ZNF140: variants seen among roughly 807,000 people sequenced by gnomAD.
ZNF140 encodes zinc finger protein 140 (clone pHZ-39).
In ZNF140, 13 loss-of-function variants were observed where a neutral mutation model predicts 12.9. The ratio of observed to expected loss-of-function variants is 1.01; its 90% confidence interval spans 0.66 to 1.60. ZNF140 has a LOEUF of 1.60. Among genes scored for constraint, ZNF140 ranks in the 40% most tolerant of loss-of-function variants. The probability of loss-of-function intolerance (pLI) is 0.00; values close to 1 mark genes in which losing one functional copy is unlikely to be tolerated. For synonymous variants in ZNF140, 214 were observed against 186.7 expected (o/e 1.15, Z -1.19); for missense variants, 531 against 548.8 (o/e 0.97, Z 0.32).
In ZNF140 at chr12:133,106,293, G is replaced by T; in HGVS notation, c.1016G>T (p.Arg339Leu). The T allele has an allele frequency of 1.9e-6, 3 of 1,614,172 alleles. No homozygotes were observed. Among genetic ancestry groups the T allele is most frequent in the Middle Eastern group, 1.6e-4 (1 of 6,062 alleles). The change falls in exon 5 of 5, where the codon CGT becomes CTT. Residue 339 changes from arginine to leucine, a missense_variant. Physicochemically the swap from Arg to Leu is moderately radical, Grantham distance 102. Transcript: ENST00000355557. ...YECNECRKAF[R>L]CHSFLIKHQR... ...TGTAATGAATGTAGGAAAGCTTTCCGTTGTCACTCATTCCTTATTAAACAT... is the reference window on the plus strand; with the variant it reads ...TGTAATGAATGTAGGAAAGCTTTCCTTTGTCACTCATTCCTTATTAAACAT...
intron 4 of ZNF140, among the ~76,000 whole-genome samples, chr12:133,087,170 G>A (rs1464608550): frequency 6.6e-6 from 1 of 152,060 alleles, no homozygotes; most frequent in Admixed American, 6.5e-5. Flanking sequence ...GCTAAGGGAG[G>A]TAGACAGATT....
chr12:133,101,266 CCTT>C (rs1220877192), intron 4 of ZNF140, among the ~76,000 whole-genome samples: 1 of 152,034 alleles, frequency 6.6e-6, no homozygotes, highest in Non-Finnish European at 1.5e-5. Flanking sequence ...TTCTGTTCTT[CCTT>C]CTTTTTTAGT....
At chr12:133,104,198 G>T (rs1349654104) in intron 4 of ZNF140, among the ~76,000 whole-genome samples, 2 of 152,156 alleles carry the variant, frequency 1.3e-5, no homozygotes, top group African/African-American at 4.8e-5. Context: ...ATAGTACAAA[G>T]AATGTTCACA....
At chr12:133,102,507 C>T (rs1242206091) in intron 4 of ZNF140, among the ~76,000 whole-genome samples, 2 of 152,014 alleles carry the variant, frequency 1.3e-5, no homozygotes, top group Non-Finnish European at 2.9e-5. Flanking sequence ...GGGCAGATTG[C>T]CTGAGCTCAG....
chr12:133,098,469 A>AC (rs1411273826), intron 4 of ZNF140, among the ~76,000 whole-genome samples: 1 of 151,710 alleles, frequency 6.6e-6, no homozygotes, highest in East Asian at 2.0e-4. Context: ...CAAACTCCTG[A>AC]CCTTAAGTAA....
chr12:133,083,067 C>T (rs1376816488), intron 2 of ZNF140, 36 bp from the exon 3 acceptor site: 9 of 1,613,534 alleles, frequency 5.6e-6, no homozygotes, highest in Admixed American at 3.3e-5. Flanking sequence ...TGGGGGCATG[C>T]GTGCTGGTCA....
intron 2 of ZNF140, 132 bp from the exon 3 acceptor site, chr12:133,082,971 G>T: frequency 7.3e-7 from 1 of 1,372,014 alleles, no homozygotes; most frequent in Non-Finnish European, 9.9e-7. Flanking sequence ...TAATTACTCA[G>T]AATTCTGAAA....
chr12:133,082,988 ACT>A, intron 2 of ZNF140, 113 bp from the exon 3 acceptor site: 1 of 1,485,006 alleles, frequency 6.7e-7, no homozygotes, highest in Non-Finnish European at 9.1e-7. Flanking sequence ...GAAAACTCTC[ACT>A]GTTACTACTT....
intron 4 of ZNF140, among the ~76,000 whole-genome samples, chr12:133,087,546 A>G (rs1426049371): frequency 6.7e-6 from 1 of 148,742 alleles, no homozygotes; most frequent in Admixed American, 6.7e-5. Context: ...GCGGGAGTGG[A>G]GGAGAAACAA....
rs1041224407 is a variant in ZNF140 at position 133,090,994 on chromosome 12, A to G, written c.232+7433A>G. 8.4e-3 allele frequency among the ~76,000 whole-genome samples: 1,253 copies of G among 148,736 alleles called. 16 individuals are homozygous for G. Among genetic ancestry groups the G allele is most frequent in the Non-Finnish European group, 0.012 (817 of 66,946 alleles). On this transcript the variant is annotated intron_variant, in intron 4 of 4. Coordinates refer to ENST00000355557, the MANE Select transcript of ZNF140 (RefSeq NM_003440.4). The stretch of plus-strand genomic sequence containing the variant: ...TATCTCAGAATTGAACAAATGTACA[A>G]TCGGGTTTTATACCGAGACATTCAG...
chr12:133,093,528 G>T, intron 4 of ZNF140: 1 of 694,954 alleles, frequency 1.4e-6, no homozygotes, highest in South Asian at 1.5e-5. Context: ...ACTGGAAGCT[G>T]ATTTATTTTC....
At chr12:133,096,147 AG>A (rs1955113672) in intron 4 of ZNF140, among the ~76,000 whole-genome samples, 1 of 150,538 alleles carries the variant, frequency 6.6e-6, no homozygotes, top group Non-Finnish European at 1.5e-5. Flanking sequence ...CCCGCTTCCA[AG>A]GGCAGAGGTC....
At chr12:133,095,276 G>T (rs1343190716) in intron 4 of ZNF140, among the ~76,000 whole-genome samples, 2 of 151,026 alleles carry the variant, frequency 1.3e-5, no homozygotes, top group South Asian at 2.1e-4. Context: ...CTTCTTAAGA[G>T]AATTTTAATG....
At chr12:133,090,221 C>T (rs116725608) in intron 4 of ZNF140, among the ~76,000 whole-genome samples, 3,213 of 152,220 alleles carry the variant, frequency 0.021, 113 homozygotes, top group African/African-American at 0.072. Context: ...CTCACTGCAA[C>T]GTAAATTTCC....
At chr12:133,103,160 G>A (rs1166110747) in intron 4 of ZNF140, among the ~76,000 whole-genome samples, 1 of 151,060 alleles carries the variant, frequency 6.6e-6, no homozygotes, top group African/African-American at 2.5e-5. Flanking sequence ...TTTCAAATGT[G>A]TATCATTTCT....
At chr12:133,090,804 A>T (rs373762516) in intron 4 of ZNF140, among the ~76,000 whole-genome samples, 2,798 of 133,296 alleles carry the variant, frequency 0.021, 67 homozygotes, top group Non-Finnish European at 0.022. Context: ...ATGTGAGCAA[A>T]AGAATCTATA....
chr12:133,088,609 G>C (rs1954760043), intron 4 of ZNF140, among the ~76,000 whole-genome samples: 1 of 152,132 alleles, frequency 6.6e-6, no homozygotes, highest in Non-Finnish European at 1.5e-5. Flanking sequence ...TTTCATTTGG[G>C]TAAATACCAA....
chr12:133,100,784 C>T (rs1008046990), intron 4 of ZNF140, among the ~76,000 whole-genome samples: 27 of 152,256 alleles, frequency 1.8e-4, no homozygotes, highest in Admixed American at 6.5e-4. Context: ...ACAAGCACTA[C>T]GATACTGCAT....
At position 133,105,585 on chromosome 12, in the gene ZNF140, T is replaced by C; in HGVS notation, c.308T>C (p.Ile103Thr). 6.2e-7 allele frequency: 1 copy of C among 1,614,116 alleles called. No individual in the cohort carries two copies. Among genetic ancestry groups the C allele is most frequent in the Non-Finnish European group, 8.5e-7 (1 of 1,180,022 alleles). Residue 103 changes from isoleucine (I) to threonine (T), a missense_variant, in exon 5 of 5, where the codon ATC becomes ACC. Ile to Thr is a moderately conservative substitution (Grantham distance 89). Coordinates refer to ENST00000355557, the MANE Select transcript of ZNF140 (RefSeq NM_003440.4). Reference protein sequence around the residue: ...VIYDDSSQYLIMERILSQGPV... With the variant: ...VIYDDSSQYLTMERILSQGPV... Reference sequence around the variant, plus strand: ...TATGATGACTCATCCCAGTATTTGATCATGGAAAGAATTCTAAGTCAAGGC... The same window carrying C: ...TATGATGACTCATCCCAGTATTTGACCATGGAAAGAATTCTAAGTCAAGGC...
Sources: allele counts gnomAD v4.1 joint callset (sites outside exome capture counted in the v4.1 genomes callset), GRCh38; gene constraint gnomAD v4.1.1; transcripts MANE v1.5; gene names NCBI Gene and HGNC (gene_info 2026-07-23, HGNC 2026-07-21).